The following KAZN variants were observed in gnomAD, a reference collection of about 807,000 sequenced individuals.
The protein encoded by KAZN is kazrin, periplakin interacting protein, also known as kazrin.
In KAZN, 40 loss-of-function variants were observed where a neutral mutation model predicts 87.4. That is an observed-to-expected ratio of 0.46 (90% CI 0.36 to 0.60). The LOEUF is 0.60. KAZN is among the 20% of genes least tolerant of loss of function. The probability of loss-of-function intolerance (pLI) is 0.00; values close to 1 mark genes in which losing one functional copy is unlikely to be tolerated. For synonymous variants in KAZN, 466 were observed against 458.3 expected (o/e 1.02, Z -0.22); for missense variants, 898 against 1,073.9 (o/e 0.84, Z 2.29).
chr1:13,923,512 G>A (rs1640145460), intron 1 of KAZN, among the ~76,000 whole-genome samples: 2 of 148,882 alleles, frequency 1.3e-5, no homozygotes, highest in African/African-American at 2.5e-5. Context: ...GGCGGAGCTT[G>A]CAGTGAGCCG....
At chr1:14,952,698 TGGCTC>T (rs1662641505) in intron 1 of KAZN, among the ~76,000 whole-genome samples, 1 of 152,128 alleles carries the variant, frequency 6.6e-6, no homozygotes, top group African/African-American at 2.4e-5. Context: ...CTAGACTTGA[TGGCTC>T]AGCCTTCAGC....
At chr1:15,063,318 A>C in intron 6 of KAZN, 1 of 530,636 alleles carries the variant, frequency 1.9e-6, no homozygotes, top group Non-Finnish European at 3.4e-6. Flanking sequence ...GTTGGTCAGA[A>C]GATGCTGGGG....
intron 2 of KAZN, among the ~76,000 whole-genome samples, chr1:14,488,253 C>T (rs1490373938): frequency 6.6e-6 from 1 of 152,158 alleles, no homozygotes; most frequent in Non-Finnish European, 1.5e-5. Context: ...CTCTTAGTCA[C>T]TTGCTTGGAG....
chr1:14,436,287 A>G (rs1489981118), intron 2 of KAZN, among the ~76,000 whole-genome samples: 1 of 152,116 alleles, frequency 6.6e-6, no homozygotes, highest in Non-Finnish European at 1.5e-5. Context: ...ACCTACCCAC[A>G]GTCACTCAGG....
At chr1:14,901,440 C>T (rs941795370) in intron 1 of KAZN, among the ~76,000 whole-genome samples, 1 of 152,016 alleles carries the variant, frequency 6.6e-6, no homozygotes, top group Non-Finnish European at 1.5e-5. Context: ...TTTTATCCAC[C>T]GAGCAATGGG....
chr1:15,037,170 G>A (rs1672425341), intron 3 of KAZN, among the ~76,000 whole-genome samples: 1 of 152,320 alleles, frequency 6.6e-6, no homozygotes, highest in East Asian at 1.9e-4. Flanking sequence ...GGCAAGGCAG[G>A]GAGAGCCTCT....
chr1:14,564,195 T>C (rs189760582), intron 2 of KAZN, among the ~76,000 whole-genome samples: 26 of 152,276 alleles, frequency 1.7e-4, no homozygotes, highest in Admixed American at 1.4e-3. Context: ...CTGAACTTAG[T>C]ATTTCATTCT....
intron 1 of KAZN, among the ~76,000 whole-genome samples, chr1:14,056,483 G>A (rs916960124): frequency 4.6e-5 from 7 of 152,198 alleles, no homozygotes; most frequent in Non-Finnish European, 7.3e-5. Context: ...AAGGGACCCA[G>A]CCCTGCTGAC....
chr1:14,638,462 G>A (rs1189648458), intron 1 of KAZN, among the ~76,000 whole-genome samples: 3 of 151,866 alleles, frequency 2.0e-5, no homozygotes, highest in Non-Finnish European at 4.4e-5. Flanking sequence ...CCAGCTACTC[G>A]GGAGGCTGAG....
intron 1 of KAZN, among the ~76,000 whole-genome samples, chr1:14,682,976 A>G (rs1640761503): frequency 6.6e-6 from 1 of 152,236 alleles, no homozygotes; most frequent in Non-Finnish European, 1.5e-5. Context: ...AGTTCCTACC[A>G]GAGTCTGAAA....
chr1:14,081,570 T>C, intron 1 of KAZN, among the ~76,000 whole-genome samples: 1 of 152,058 alleles, frequency 6.6e-6, no homozygotes, highest in Middle Eastern at 3.2e-3. Context: ...CACATGAAAA[T>C]CATGTGAAAT....
intron 1 of KAZN, among the ~76,000 whole-genome samples, chr1:14,007,973 T>C (rs1407556198): frequency 6.6e-6 from 1 of 152,146 alleles, no homozygotes; most frequent in Non-Finnish European, 1.5e-5. Context: ...GCCTCATCTG[T>C]AAATAAGAGG....
chr1:14,945,105 T>G (rs1661604332), intron 1 of KAZN, among the ~76,000 whole-genome samples: 1 of 152,174 alleles, frequency 6.6e-6, no homozygotes, highest in Non-Finnish European at 1.5e-5. Context: ...TGCCTTAGTT[T>G]CCCCATCTGT....
chr1:14,984,589 G>A (rs1225670324), intron 2 of KAZN, among the ~76,000 whole-genome samples: 1 of 152,086 alleles, frequency 6.6e-6, no homozygotes, highest in Non-Finnish European at 1.5e-5. Context: ...ATGTCCCCCT[G>A]TAGCAATGCA....
intron 5 of KAZN, among the ~76,000 whole-genome samples, chr1:15,059,452 C>T (rs1234335671): frequency 6.6e-6 from 1 of 152,162 alleles, no homozygotes; most frequent in African/African-American, 2.4e-5. Flanking sequence ...AGGGCCGTGG[C>T]ACATCAGGCC....
intron 1 of KAZN, among the ~76,000 whole-genome samples, chr1:14,737,813 C>A (rs1643954921): frequency 6.6e-6 from 1 of 152,202 alleles, no homozygotes; most frequent in South Asian, 2.1e-4. Flanking sequence ...AGGCTGCCTG[C>A]AGTTCCTTGA....
chr1:14,848,785 T>C (rs1649084600), intron 1 of KAZN, among the ~76,000 whole-genome samples: 1 of 152,336 alleles, frequency 6.6e-6, no homozygotes, highest in Admixed American at 6.5e-5. Context: ...TCAAGGGCCA[T>C]GAAGCGGGGA....
chr1:14,011,037 G>A (rs1640276928), intron 1 of KAZN, among the ~76,000 whole-genome samples: 2 of 149,934 alleles, frequency 1.3e-5, no homozygotes. Context: ...CTCCTCCATT[G>A]CCATCACTAT....
chr1:14,744,613 G>C (rs1644210474), intron 1 of KAZN, among the ~76,000 whole-genome samples: 1 of 152,136 alleles, frequency 6.6e-6, no homozygotes, highest in Admixed American at 6.5e-5. Flanking sequence ...GCATGTGCCT[G>C]TAGTCCCAGC....
Sources: gnomAD v4.1 joint callset for allele counts (sites outside exome capture counted in the v4.1 genomes callset) on GRCh38, gnomAD v4.1.1 for gene constraint, MANE v1.5 for transcripts, NCBI Gene and HGNC (gene_info 2026-07-23, HGNC 2026-07-21) for gene names.